OPCML: variants seen among roughly 807,000 people sequenced by gnomAD.
OPCML encodes opioid binding protein/cell adhesion molecule like.
A neutral mutation model predicts 37.8 loss-of-function variants in OPCML; 13 were observed. That is an observed-to-expected ratio of 0.34 (90% CI 0.22 to 0.55). OPCML has a LOEUF of 0.55. OPCML is among the 20% of genes least tolerant of loss of function. OPCML has a pLI of 0.91. For missense variants in OPCML, 341 were observed against 435.6 expected, an observed-to-expected ratio of 0.78 and a Z score of 1.93; for synonymous variants, 176 against 168.8, an observed-to-expected ratio of 1.04 and a Z score of -0.33.
intron 1 of OPCML, among the ~76,000 whole-genome samples, chr11:133,127,473 A>G (rs1043037815): frequency 9.2e-5 from 14 of 151,900 alleles, no homozygotes; most frequent in Admixed American, 6.6e-5. Context: ...TCTCTACAAA[A>G]AATACAAAAA....
chr11:133,379,484 A>G (rs1944887379), intron 1 of OPCML, among the ~76,000 whole-genome samples: 1 of 152,128 alleles, frequency 6.6e-6, no homozygotes, highest in Non-Finnish European at 1.5e-5. Flanking sequence ...TTTTGTAGCT[A>G]TTGTCATCAC....
At chr11:132,656,975 A>G in intron 3 of OPCML, 112 bp downstream of exon 3, 2 of 1,498,230 alleles carry the variant, frequency 1.3e-6, no homozygotes, top group South Asian at 1.3e-5. Context: ...CTCTGAATTC[A>G]GTAGAGGAAG....
At chr11:132,812,231 G>A (rs1939389529) in intron 2 of OPCML, among the ~76,000 whole-genome samples, 1 of 152,140 alleles carries the variant, frequency 6.6e-6, no homozygotes, top group South Asian at 2.1e-4. Context: ...CATCTTCCAA[G>A]AAGGAAGACA....
chr11:132,638,650 T>C (rs1267706950), intron 3 of OPCML, among the ~76,000 whole-genome samples: 2 of 152,190 alleles, frequency 1.3e-5, no homozygotes, highest in African/African-American at 4.8e-5. Flanking sequence ...CTTTTAAGAC[T>C]TTTAAATTGC....
intron 1 of OPCML, among the ~76,000 whole-genome samples, chr11:133,296,761 G>A (rs565936496): frequency 6.6e-6 from 1 of 152,236 alleles, no homozygotes; most frequent in South Asian, 2.1e-4. Flanking sequence ...TTCATAAAAG[G>A]TAGACATTAT....
At chr11:132,682,710 C>T (rs1242106715) in intron 2 of OPCML, among the ~76,000 whole-genome samples, 3 of 152,186 alleles carry the variant, frequency 2.0e-5, no homozygotes, top group African/African-American at 7.2e-5. Flanking sequence ...GGACCGAGAC[C>T]TGTGTAAAGG....
intron 1 of OPCML, among the ~76,000 whole-genome samples, chr11:133,486,025 G>A (rs964639619): frequency 6.6e-6 from 1 of 152,158 alleles, no homozygotes; most frequent in African/African-American, 2.4e-5. Context: ...GAAAATATGT[G>A]TGTTAGAGGA....
intron 1 of OPCML, among the ~76,000 whole-genome samples, chr11:133,456,147 T>C (rs1056779910): frequency 4.6e-5 from 7 of 152,190 alleles, no homozygotes; most frequent in Non-Finnish European, 8.8e-5. Context: ...TATAGACCCA[T>C]AGACATTTGG....
intron 1 of OPCML, among the ~76,000 whole-genome samples, chr11:133,381,791 G>A (rs1192887272): frequency 6.6e-6 from 1 of 152,198 alleles, no homozygotes; most frequent in African/African-American, 2.4e-5. Context: ...TTTAATGTTT[G>A]GACATGAACA....
chr11:132,430,752 C>G lies in OPCML; in HGVS notation c.916+5334G>C, dbSNP rs566608802. ...AAATTTGTTTTTCTCTCTGCAGTCT[C>G]CCCCCTCCGTCTTGGCTTTGTTTGC... On this transcript the variant is annotated intron_variant, in intron 7 of 7. Coordinates refer to ENST00000524381, the MANE Select transcript of OPCML (RefSeq NM_001012393.5). Among the ~76,000 whole-genome samples the G allele has an allele frequency of 6.6e-5, 10 of 152,274 alleles. 1 individual carries two copies. In the South Asian group the frequency reaches 1.9e-3, roughly 28 times the overall value.
Position 132,651,985 on chromosome 11 carries a change from A to G in OPCML, c.379+5102T>C, listed in dbSNP as rs543115719. Among the ~76,000 whole-genome samples the G allele has an allele frequency of 4.9e-4, 75 of 152,270 alleles. No individual in the cohort carries two copies. In the South Asian group the frequency reaches 0.016, roughly 32 times the overall value. On this transcript the variant is annotated intron_variant, in intron 3 of 7. Coordinates refer to ENST00000524381, the MANE Select transcript of OPCML (RefSeq NM_001012393.5). ...ACATCCAAAAAGCAACCATAGACGG[A>G]TCTTCTTACTCCATCTATCTCCAAC...
chr11:133,116,603 A>G (rs1376210567), intron 1 of OPCML, among the ~76,000 whole-genome samples: 4 of 152,156 alleles, frequency 2.6e-5, no homozygotes, highest in African/African-American at 9.7e-5. Flanking sequence ...CGTTTTTGGC[A>G]GGAATACCTA....
At chr11:133,327,759 T>C (rs1728651109) in intron 1 of OPCML, among the ~76,000 whole-genome samples, 1 of 152,146 alleles carries the variant, frequency 6.6e-6, no homozygotes, top group Non-Finnish European at 1.5e-5. Context: ...CTGTTCAATG[T>C]TCCCTGGTAT....
intron 2 of OPCML, among the ~76,000 whole-genome samples, chr11:132,845,828 C>T (rs1050570065): frequency 6.6e-6 from 1 of 151,986 alleles, no homozygotes; most frequent in Non-Finnish European, 1.5e-5. Flanking sequence ...TTTTTCTAGT[C>T]TAGTAATGAT....
chr11:133,020,220 G>A (rs1051821461), intron 1 of OPCML, among the ~76,000 whole-genome samples: 1 of 152,212 alleles, frequency 6.6e-6, no homozygotes, highest in African/African-American at 2.4e-5. Flanking sequence ...TAGAAAGACA[G>A]TTTCAGCAGA....
At chr11:132,770,262 T>C (rs1946594198) in intron 2 of OPCML, among the ~76,000 whole-genome samples, 1 of 152,106 alleles carries the variant, frequency 6.6e-6, no homozygotes, top group Non-Finnish European at 1.5e-5. Context: ...AACTTGTGTT[T>C]TTGTTGAGTG....
At chr11:132,527,688 A>T (rs1333981345) in intron 4 of OPCML, among the ~76,000 whole-genome samples, 1 of 152,104 alleles carries the variant, frequency 6.6e-6, no homozygotes, top group East Asian at 1.9e-4. Flanking sequence ...TTTAATTTTG[A>T]TGAAGGCTAT....
intron 7 of OPCML, among the ~76,000 whole-genome samples, chr11:132,426,266 C>A (rs2095977329): frequency 6.6e-6 from 1 of 152,118 alleles, no homozygotes; most frequent in Non-Finnish European, 1.5e-5. Flanking sequence ...ACAAAGGGAT[C>A]CATTTGTGTG....
At chr11:132,745,563 C>CAAAAAAAAAAAAAAAAAAAAA (rs10562857) in intron 2 of OPCML, among the ~76,000 whole-genome samples, 1 of 102,976 alleles carries the variant, frequency 9.7e-6, no homozygotes, top group East Asian at 4.1e-4. Context: ...TGCTGTCTTG[C>CAAAAAAAAAAAAAAAAAAAAA]AAAAAAAAAA....
Sources: gnomAD v4.1 joint callset for allele counts (sites outside exome capture counted in the v4.1 genomes callset) on GRCh38, gnomAD v4.1.1 for gene constraint, MANE v1.5 for transcripts, NCBI Gene and HGNC (gene_info 2026-07-23, HGNC 2026-07-21) for gene names.